PDZD2: variants seen among roughly 807,000 people sequenced by gnomAD.
The protein encoded by PDZD2 is PDZ domain-containing protein 2.
Under a neutral mutation model 220.7 loss-of-function variants are expected in PDZD2, and 90 were observed. That is an observed-to-expected ratio of 0.41 (90% CI 0.34 to 0.49). The LOEUF is 0.49. Ranked by LOEUF, PDZD2 falls within the 20% of genes least tolerant of loss-of-function variation. PDZD2 has a pLI of 0.28. For synonymous variants in PDZD2, 1,375 were observed against 1,450.5 expected (o/e 0.95, Z 1.18); for missense variants, 3,174 against 3,608.5 (o/e 0.88, Z 3.08).
At chr5:31,925,430 C>A (rs1427408662) in intron 2 of PDZD2, among the ~76,000 whole-genome samples, 1 of 152,076 alleles carries the variant, frequency 6.6e-6, no homozygotes, top group African/African-American at 2.4e-5. Flanking sequence ...TGAAACTGGA[C>A]CCCTACCTTT....
chr5:31,657,965 C>T (rs1221768804), intron 1 of PDZD2, among the ~76,000 whole-genome samples: 1 of 152,192 alleles, frequency 6.6e-6, no homozygotes, highest in Non-Finnish European at 1.5e-5. Flanking sequence ...AATACTCTAA[C>T]CGTCCTATCT....
intron 2 of PDZD2, among the ~76,000 whole-genome samples, chr5:31,933,025 C>T (rs574611637): frequency 6.7e-4 from 102 of 152,122 alleles, no homozygotes; most frequent in African/African-American, 2.3e-3. Context: ...ATTCTCATGC[C>T]TCATCCTCCC....
chr5:31,846,285 C>T (rs529377186), intron 2 of PDZD2, among the ~76,000 whole-genome samples: 5 of 152,330 alleles, frequency 3.3e-5, no homozygotes, highest in African/African-American at 1.2e-4. Flanking sequence ...AGGCGTGCAC[C>T]ACTGCACCCA....
chr5:32,025,848 C>T (rs974314134), intron 6 of PDZD2, among the ~76,000 whole-genome samples: 1 of 151,986 alleles, frequency 6.6e-6, no homozygotes, highest in Non-Finnish European at 1.5e-5. Context: ...GATCCACCTG[C>T]CTCAGTCTCC....
At chr5:31,936,148 C>T in intron 2 of PDZD2, 1 of 986,982 alleles carries the variant, frequency 1.0e-6, no homozygotes, top group Non-Finnish European at 1.2e-6. Context: ...TGCTCCTCAG[C>T]TCCACAGAGC....
chr5:31,965,538 C>T (rs556864678), intron 2 of PDZD2, among the ~76,000 whole-genome samples: 4 of 152,288 alleles, frequency 2.6e-5, no homozygotes, highest in African/African-American at 7.2e-5. Context: ...ATTTGCATAT[C>T]AAAGGTTACC....
intron 2 of PDZD2, among the ~76,000 whole-genome samples, chr5:31,842,765 G>C (rs1205535898): frequency 6.6e-6 from 1 of 152,144 alleles, no homozygotes; most frequent in African/African-American, 2.4e-5. Context: ...TTGTGACTAT[G>C]TACTGATACT....
intron 1 of PDZD2, among the ~76,000 whole-genome samples, chr5:31,688,627 C>G (rs970609753): frequency 3.3e-5 from 5 of 152,194 alleles, no homozygotes; most frequent in South Asian, 2.1e-4. Context: ...ACACACATAT[C>G]TGGGTCCTGG....
intron 6 of PDZD2, among the ~76,000 whole-genome samples, chr5:32,031,942 T>A (rs1561397819): frequency 6.6e-6 from 1 of 152,258 alleles, no homozygotes; most frequent in Non-Finnish European, 1.5e-5. Context: ...CTATGGCACA[T>A]GTAAATTGCA....
chr5:31,736,969 C>G (rs1388620828), intron 1 of PDZD2, among the ~76,000 whole-genome samples: 1 of 58,080 alleles, frequency 1.7e-5, no homozygotes, highest in Non-Finnish European at 4.0e-5. Context: ...CACCATGAGG[C>G]CTCCCCAGAA....
At chr5:31,703,028 C>T (rs1307724704) in intron 1 of PDZD2, among the ~76,000 whole-genome samples, 1 of 152,224 alleles carries the variant, frequency 6.6e-6, no homozygotes, top group African/African-American at 2.4e-5. Flanking sequence ...CCTGTTTGTT[C>T]TTGGGAATGA....
intron 6 of PDZD2, among the ~76,000 whole-genome samples, chr5:32,029,105 C>G (rs914738026): frequency 3.3e-5 from 5 of 152,088 alleles, no homozygotes; most frequent in Middle Eastern, 3.4e-3. Context: ...TTTCCAGCTC[C>G]AAGAAGACTG....
intron 1 of PDZD2, among the ~76,000 whole-genome samples, chr5:31,791,122 A>G (rs1753698241): frequency 6.6e-6 from 1 of 152,144 alleles, no homozygotes. Flanking sequence ...GACACCACTT[A>G]TCTGCTTCTG....
At chr5:31,768,909 C>A (rs1474815056) in intron 1 of PDZD2, among the ~76,000 whole-genome samples, 2 of 152,230 alleles carry the variant, frequency 1.3e-5, no homozygotes, top group African/African-American at 4.8e-5. Flanking sequence ...TTGTCTTTCT[C>A]ATCACCCTCA....
Position 31,822,271 on chromosome 5 carries a change from C to CTT in PDZD2, c.476+22569_476+22570dup, listed in dbSNP as rs34010630. 4.2e-3 allele frequency among the ~76,000 whole-genome samples: 419 copies of CTT among 100,552 alleles called. 2 individuals carry two copies. Among genetic ancestry groups the CTT allele is most frequent in the East Asian group, 7.1e-3 (25 of 3,516 alleles). 66.0% of individuals were successfully genotyped at this position (100,552 alleles called of 152,430 possible). A position where few individuals can be genotyped will look rare whatever the true frequency, so the allele number is the denominator to read the frequency against. The stretch of plus-strand genomic sequence containing the variant: ...ATACACAAACTTTTTTTCACGCAAT[C>CTT]TTTTTTTTTTTTTTTTTTTTTTTGA... On this transcript the variant is annotated intron_variant, in intron 2 of 24. Transcript: ENST00000438447.
chr5:31,918,973 G>A (rs374964050), intron 2 of PDZD2, among the ~76,000 whole-genome samples: 9 of 152,300 alleles, frequency 5.9e-5, no homozygotes, highest in South Asian at 4.1e-4. Context: ...CTTTCACCAC[G>A]GCTGTGCACT....
chr5:31,727,310 T>C (rs1749207866), intron 1 of PDZD2, among the ~76,000 whole-genome samples: 1 of 152,216 alleles, frequency 6.6e-6, no homozygotes, highest in Middle Eastern at 3.2e-3. Context: ...AGATGCCTTT[T>C]GGGCCACTGT....
At chr5:31,762,445 G>A (rs6872387) in intron 1 of PDZD2, among the ~76,000 whole-genome samples, 64,661 of 151,912 alleles carry the variant, frequency 0.43, 14,078 homozygotes, top group Admixed American at 0.51. Flanking sequence ...GAGCCACCAC[G>A]CTCGCCTACT....
rs559696983 is a variant in PDZD2 at position 31,648,070 on chromosome 5, A to T, written c.-361+8633A>T. ...TAGTTGGCCAACATTCTCCTTCTCA[A>T]TGTACTGAAAATAGTAACAACAACT... On this transcript the variant is annotated intron_variant, in intron 1 of 24. Coordinates refer to ENST00000438447, the MANE Select transcript of PDZD2 (RefSeq NM_178140.4). 1.6e-4 allele frequency among the ~76,000 whole-genome samples: 25 copies of T among 152,336 alleles called. No individual in the cohort carries two copies. In the East Asian group the frequency reaches 4.8e-3, roughly 29 times the overall value.
Sources: gnomAD v4.1 joint callset for allele counts (sites outside exome capture counted in the v4.1 genomes callset) on GRCh38, gnomAD v4.1.1 for gene constraint, MANE v1.5 for transcripts, NCBI Gene and HGNC (gene_info 2026-07-23, HGNC 2026-07-21) for gene names.